Variants in THAP4 observed in about 807,000 individuals in gnomAD.
THAP4 encodes peroxynitrite isomerase THAP4.
THAP4 carries 18 observed loss-of-function variants against 48.1 expected under a neutral mutation model. The observed-to-expected ratio is 0.37, with a 90% CI of 0.26 to 0.56. The LOEUF is 0.56. Among genes scored for constraint, THAP4 ranks in the 20% least tolerant of loss-of-function variants. The pLI is 0.78. For missense variants in THAP4, 656 were observed against 774.9 expected, an observed-to-expected ratio of 0.85 and a Z score of 1.82; for synonymous variants, 345 against 324.9, an observed-to-expected ratio of 1.06 and a Z score of -0.66.
chr2:241,630,549 C>T (rs1399948802), intron 2 of THAP4, among the ~76,000 whole-genome samples: 6 of 152,130 alleles, frequency 3.9e-5, no homozygotes, highest in Non-Finnish European at 7.4e-5. Flanking sequence ...GAGGCCGAGG[C>T]GGGTGGATCA....
At chr2:241,626,711 G>A (rs770368404) in intron 2 of THAP4, among the ~76,000 whole-genome samples, 8 of 151,824 alleles carry the variant, frequency 5.3e-5, no homozygotes, top group African/African-American at 1.7e-4. Context: ...TTACAGGCAC[G>A]TGTCACCATG....
chr2:241,635,952 C>A (rs952195030), intron 1 of THAP4, among the ~76,000 whole-genome samples: 3 of 152,096 alleles, frequency 2.0e-5, no homozygotes, highest in Non-Finnish European at 4.4e-5. Context: ...CACTGTGAGG[C>A]CAACTGCAAA....
At chr2:241,608,876 AG>A (rs746878284) in intron 2 of THAP4, among the ~76,000 whole-genome samples, 43 of 152,370 alleles carry the variant, frequency 2.8e-4, no homozygotes, top group Non-Finnish European at 6.0e-4. Flanking sequence ...GCAGGGGATC[AG>A]GGTCCCTGCA....
intron 1 of THAP4, among the ~76,000 whole-genome samples, chr2:241,635,723 C>T (rs1262648509): frequency 6.6e-6 from 1 of 151,816 alleles, no homozygotes; most frequent in Non-Finnish European, 1.5e-5. Context: ...GAGCCGAGAT[C>T]GCACCAATGC....
chr2:241,584,802 T>C (rs1300344234), intron 5 of THAP4, 77 bp from the exon 6 acceptor site: 3 of 1,564,554 alleles, frequency 1.9e-6, no homozygotes, highest in South Asian at 1.1e-5. Context: ...GCCCACTGCA[T>C]GCCACACACT....
At chr2:241,634,542 G>T (rs1288045185) in intron 1 of THAP4, among the ~76,000 whole-genome samples, 1 of 152,244 alleles carries the variant, frequency 6.6e-6, no homozygotes, top group Admixed American at 6.5e-5. Flanking sequence ...CTGCATGGAG[G>T]CAGCCCTGGC....
At chr2:241,626,165 C>T (rs910374744) in intron 2 of THAP4, among the ~76,000 whole-genome samples, 1 of 152,164 alleles carries the variant, frequency 6.6e-6, no homozygotes, top group East Asian at 1.9e-4. Context: ...AAAAAAACTA[C>T]AGCTTGGTGG....
At position 241,636,905 on chromosome 2, in the gene THAP4, T is replaced by G. The variant is rs577654899; in HGVS notation, c.77+36A>C. 65 of 1,149,430 alleles carry G rather than the reference T, an allele frequency of 5.7e-5. 1 individual carries two copies. Among genetic ancestry groups the G allele is most frequent in the Non-Finnish European group, 6.7e-5 (61 of 912,946 alleles). 71.2% of individuals were successfully genotyped at this position (1,149,430 alleles called of 1,614,324 possible). A position where few individuals can be genotyped will look rare whatever the true frequency, so the allele number is the denominator to read the frequency against. On this transcript the variant is annotated intron_variant, in intron 1 of 5. Transcript: ENST00000407315. ...GCCTCAGTTTCCCCGCAGGGCCGGG[T>G]CGGGGCGGGGGCGTGGCGGCCCGGG... is the stretch of plus-strand genomic sequence containing the variant.
chr2:241,631,891 T>TG, intron 2 of THAP4, among the ~76,000 whole-genome samples: 1 of 151,778 alleles, frequency 6.6e-6, no homozygotes, highest in South Asian at 2.1e-4. Context: ...TGTATTGTAT[T>TG]TCTTTTTTTT....
At chr2:241,637,454 GCA>G (rs2067696786), upstream of THAP4, 1 of 1,470,706 alleles carries the variant, frequency 6.8e-7, no homozygotes, top group African/African-American at 1.5e-5. Flanking sequence ...GCCACCCATG[GCA>G]CACAGTGTCC....
intron 5 of THAP4, among the ~76,000 whole-genome samples, chr2:241,590,909 A>G (rs62192988): frequency 0.068 from 707 of 10,382 alleles, no homozygotes; most frequent in Admixed American, 0.08. Context: ...GACACACAGA[A>G]CTGCCCGGCT....
chr2:241,620,076 CGTGAGTGAGG>C (rs1159351074), intron 2 of THAP4, among the ~76,000 whole-genome samples: 1 of 16,140 alleles, frequency 6.2e-5, no homozygotes. Context: ...GTGAGTGAGT[CGTGAGTGAGG>C]GGTGAGTGAG....
chr2:241,620,877 T>C (rs13419882), intron 2 of THAP4, among the ~76,000 whole-genome samples: 23,557 of 152,050 alleles, frequency 0.15, 2,048 homozygotes, highest in South Asian at 0.38. Flanking sequence ...TGGTCTGTCA[T>C]TGACCAAAAC....
At chr2:241,619,423 C>T (rs543512471) in intron 2 of THAP4, among the ~76,000 whole-genome samples, 54 of 152,318 alleles carry the variant, frequency 3.5e-4, no homozygotes, top group African/African-American at 1.2e-3. Flanking sequence ...GTGCACTTAC[C>T]GCGTACCACG....
At chr2:241,623,520 G>C (rs1483828877) in intron 2 of THAP4, among the ~76,000 whole-genome samples, 1 of 151,594 alleles carries the variant, frequency 6.6e-6, no homozygotes, top group South Asian at 2.1e-4. Flanking sequence ...CGGAGGTTGC[G>C]GTGAGCCAAA....
rs924876453 is a variant in THAP4, at chr2:241,606,468, G to C, written c.1246C>G (p.Pro416Ala). ...GGCTCCACCACTGGGTTCATCTTGG[G>C]GGGCTCTGAGGACAAAAGAATGAGA... ...SSLLSPSREPPKMNPVVEPLS... is the reference protein window; with the variant it reads ...SSLLSPSREPAKMNPVVEPLS... Residue 416 changes from proline to alanine, a missense_variant, in exon 3 of 6, where the codon CCC (proline) becomes GCC (alanine). This residue lies in a region of THAP4 where 176 missense variants were observed against 256.7 expected (regional missense o/e 0.69). Coordinates refer to ENST00000407315, the MANE Select transcript of THAP4 (RefSeq NM_015963.6). The C allele has an allele frequency of 6.2e-7, 1 of 1,601,446 alleles. No homozygotes were observed. The highest frequency in any genetic ancestry group is 1.7e-5 in the Admixed American group (1 of 58,326).
At chr2:241,634,160 T>C in intron 1 of THAP4, 81 bp from the exon 2 acceptor site, 3 of 1,145,238 alleles carry the variant, frequency 2.6e-6, no homozygotes, top group Non-Finnish European at 3.7e-6. Context: ...GCAAAACAAG[T>C]ATTTTTGCAC....
chr2:241,616,890 A>G lies in THAP4; in HGVS notation c.1241-10417T>C, dbSNP rs2067355273. On this transcript the variant is annotated intron_variant, in intron 2 of 5. Transcript: ENST00000407315. This position sits in a 1 kb window ranked among gnomAD's most constrained non-coding sequence, Gnocchi z 4.6. ...TTTGGACAGGGACAACAGGTCAGGC[A>G]GTAAACAAGCAGCGGCGGCGCCTCC... 6.6e-6 allele frequency among the ~76,000 whole-genome samples: 1 copy of G among 152,192 alleles called. No homozygotes were observed. Among genetic ancestry groups the G allele is most frequent in the Non-Finnish European group, 1.5e-5 (1 of 68,034 alleles).
rs1157316498 is a variant in THAP4, at chr2:241,633,000, T to C, written c.1157A>G (p.Gln386Arg). 1 of 1,613,706 alleles carries C rather than the reference T, an allele frequency of 6.2e-7. No homozygotes were observed. Among genetic ancestry groups the C allele is most frequent in the Non-Finnish European group, 8.5e-7 (1 of 1,179,960 alleles). Reference sequence around the variant, plus strand: ...CAGCTTCTCCTGTAGCTTCCGCACCTGGCTGTCGGAGCGGCTGACCCTCTG... The same window carrying C: ...CAGCTTCTCCTGTAGCTTCCGCACCCGGCTGTCGGAGCGGCTGACCCTCTG... ...LRQRVSRSDSQVRKLQEKLDE... is the reference protein window; with the variant it reads ...LRQRVSRSDSRVRKLQEKLDE... Residue 386 changes from glutamine (Q) to arginine (R), a missense_variant, in exon 2 of 6, where the codon CAG becomes CGG. Physicochemically the swap from Gln to Arg is conservative, Grantham distance 43 (BLOSUM62 1). Around this residue, in one of 4 missense-constraint regions of THAP4, gnomAD observed 391 missense variants for 412.4 expected, o/e 0.95. Coordinates refer to ENST00000407315, the MANE Select transcript of THAP4 (RefSeq NM_015963.6).
Sources: gnomAD v4.1 joint callset for allele counts (sites outside exome capture counted in the v4.1 genomes callset) on GRCh38, gnomAD v4.1.1 for gene constraint, gnomAD v4.1.1 regional missense constraint, Gnocchi (gnomAD v3.1) non-coding constraint, MANE v1.5 for transcripts, NCBI Gene and HGNC (gene_info 2026-07-23, HGNC 2026-07-21) for gene names.